JMY: variants seen among roughly 807,000 people sequenced by gnomAD.
JMY encodes the protein junction-mediating and -regulatory protein.
A neutral mutation model predicts 103.3 loss-of-function variants in JMY; 46 were observed. That is an observed-to-expected ratio of 0.45 (90% CI 0.35 to 0.57). The LOEUF (loss-of-function observed/expected upper bound fraction) is 0.57. Among genes scored for constraint, JMY ranks in the 20% least tolerant of loss-of-function variants. JMY has a pLI of 0.00. For missense variants in JMY, 1,238 were observed against 1,255.2 expected, an observed-to-expected ratio of 0.99 and a Z score of 0.21; for synonymous variants, 526 against 489.3, an observed-to-expected ratio of 1.07 and a Z score of -0.99.
chr5:79,306,063 G>A (rs1325053081), intron 6 of JMY, among the ~76,000 whole-genome samples: 1 of 152,120 alleles, frequency 6.6e-6, no homozygotes, highest in Non-Finnish European at 1.5e-5. Context: ...GGAATCTTCT[G>A]GATGCAGACT....
chr5:79,291,350 T>C (rs1252625997), intron 4 of JMY, 51 bp downstream of exon 4: 1 of 1,463,478 alleles, frequency 6.8e-7, no homozygotes, highest in Non-Finnish European at 9.2e-7. Context: ...CAGTTTGTCA[T>C]TTTAATCTTT....
intron 1 of JMY, among the ~76,000 whole-genome samples, chr5:79,242,233 A>G (rs1580323815): frequency 1.3e-5 from 2 of 152,326 alleles, no homozygotes; most frequent in East Asian, 3.9e-4. Context: ...GAGTGGAGTC[A>G]GAAACACCTA....
chr5:79,305,206 C>CT (rs1746843665), intron 6 of JMY, among the ~76,000 whole-genome samples: 2 of 152,070 alleles, frequency 1.3e-5, no homozygotes, highest in South Asian at 4.2e-4. Flanking sequence ...AATCCCAGCA[C>CT]TTTGGGAGGT....
intron 10 of JMY, among the ~76,000 whole-genome samples, chr5:79,318,903 C>T (rs925890820): frequency 3.3e-5 from 5 of 152,070 alleles, no homozygotes; most frequent in Non-Finnish European, 5.9e-5. Context: ...CTTTACAGTT[C>T]TTACTACCAT....
intron 10 of JMY, among the ~76,000 whole-genome samples, chr5:79,320,059 T>C (rs926928552): frequency 1.3e-5 from 2 of 152,180 alleles, no homozygotes; most frequent in Non-Finnish European, 2.9e-5. Context: ...TTAAAATGTA[T>C]GTAATTACAT....
At chr5:79,300,574 T>C (rs1203634689) in intron 5 of JMY, 102 bp from the exon 6 acceptor site, 2 of 918,872 alleles carry the variant, frequency 2.2e-6, no homozygotes, top group Non-Finnish European at 1.6e-6. Flanking sequence ...AGATAATGGC[T>C]TTGCCTGAGG....
At chr5:79,254,144 G>A (rs1010982157) in intron 1 of JMY, among the ~76,000 whole-genome samples, 34 of 149,922 alleles carry the variant, frequency 2.3e-4, no homozygotes, top group African/African-American at 7.8e-4. Context: ...TAGTAGAGAC[G>A]GGGTTTCGCG....
chr5:79,286,224 C>T (rs1746263274), intron 2 of JMY, among the ~76,000 whole-genome samples: 1 of 152,124 alleles, frequency 6.6e-6, no homozygotes, highest in Non-Finnish European at 1.5e-5. Context: ...GCATAGAAAG[C>T]ATGTTTATGT....
intron 10 of JMY, 21 bp downstream of exon 10, chr5:79,316,331 T>C (rs746136343): frequency 1.3e-6 from 2 of 1,557,342 alleles, no homozygotes; most frequent in Admixed American, 3.8e-5. Context: ...TTATTGTCTT[T>C]AGTAGCATTC....
chr5:79,296,420 T>C (rs76806748), intron 4 of JMY, among the ~76,000 whole-genome samples: 10 of 152,358 alleles, frequency 6.6e-5, no homozygotes. Context: ...TTCTACATAA[T>C]AGGGCTAGTT....
intron 2 of JMY, among the ~76,000 whole-genome samples, chr5:79,282,749 TCA>T (rs1746156350): frequency 6.6e-6 from 1 of 152,146 alleles, no homozygotes; most frequent in Non-Finnish European, 1.5e-5. Flanking sequence ...AATTGAATCT[TCA>T]CACCAATCCA....
intron 4 of JMY, among the ~76,000 whole-genome samples, chr5:79,292,019 CAT>C (rs1746436587): frequency 6.6e-6 from 1 of 152,166 alleles, no homozygotes; most frequent in African/African-American, 2.4e-5. Flanking sequence ...TGCTTATGCT[CAT>C]ATACACTTTT....
chr5:79,271,171 G>C, intron 1 of JMY, among the ~76,000 whole-genome samples: 1 of 151,380 alleles, frequency 6.6e-6, no homozygotes, highest in Non-Finnish European at 1.5e-5. Context: ...GGTCAAGCAA[G>C]TCTCCCACCA....
intron 1 of JMY, among the ~76,000 whole-genome samples, chr5:79,271,453 G>A (rs1200120516): frequency 1.3e-5 from 2 of 152,138 alleles, no homozygotes; most frequent in African/African-American, 4.8e-5. Context: ...GAGAGAACTG[G>A]TATAATTTCT....
intron 1 of JMY, among the ~76,000 whole-genome samples, chr5:79,242,782 A>AC (rs1267158682): frequency 1.4e-5 from 2 of 139,892 alleles, no homozygotes; most frequent in Non-Finnish European, 3.1e-5. Flanking sequence ...TTCAATAATG[A>AC]CTTTTTTTTT....
At chr5:79,300,993 G>A (rs1317298122) in intron 6 of JMY, 130 bp downstream of exon 6, 8 of 683,570 alleles carry the variant, frequency 1.2e-5, no homozygotes, top group South Asian at 4.4e-5. Flanking sequence ...TGCTCAATGC[G>A]TTTATAGTGC....
intron 6 of JMY, among the ~76,000 whole-genome samples, chr5:79,303,829 C>T (rs915729544): frequency 2.6e-5 from 4 of 151,390 alleles, no homozygotes; most frequent in Admixed American, 6.6e-5. Flanking sequence ...TTCAGAGTTT[C>T]GAGAAAAGTT....
At chr5:79,271,317 C>A (rs1277747765) in intron 1 of JMY, among the ~76,000 whole-genome samples, 1 of 152,012 alleles carries the variant, frequency 6.6e-6, no homozygotes, top group South Asian at 2.1e-4. Flanking sequence ...CAGGTGCAAT[C>A]CATCATGCTC....
intron 4 of JMY, among the ~76,000 whole-genome samples, chr5:79,293,537 G>A (rs923529690): frequency 1.3e-5 from 2 of 152,018 alleles, no homozygotes; most frequent in African/African-American, 4.8e-5. Context: ...GAGATTATAG[G>A]TGTGAGCCAC....
Sources: allele counts gnomAD v4.1 joint callset (sites outside exome capture counted in the v4.1 genomes callset), GRCh38; gene constraint gnomAD v4.1.1; transcripts MANE v1.5; gene names NCBI Gene and HGNC (gene_info 2026-07-23, HGNC 2026-07-21).